The following KIAA1217 variants were observed in gnomAD, a reference collection of about 807,000 sequenced individuals.
The protein encoded by KIAA1217 is KIAA1217.
A neutral mutation model predicts 163.9 loss-of-function variants in KIAA1217; 88 were observed. That is an observed-to-expected ratio of 0.54 (90% confidence interval 0.45 to 0.64). The LOEUF is 0.64. Ranked by LOEUF, KIAA1217 falls within the 30% of genes least tolerant of loss-of-function variation. The probability of loss-of-function intolerance (pLI) is 0.00; values close to 1 mark genes in which losing one functional copy is unlikely to be tolerated. For synonymous variants in KIAA1217, 903 were observed against 923.1 expected (o/e 0.98, Z 0.39); for missense variants, 2,372 against 2,475.0 (o/e 0.96, Z 0.88).
chr10:24,201,096 C>A (rs1250279040), intron 2 of KIAA1217, among the ~76,000 whole-genome samples: 1 of 151,990 alleles, frequency 6.6e-6, no homozygotes, highest in Non-Finnish European at 1.5e-5. Flanking sequence ...CATGGTGAAA[C>A]CCTGTCTCTA....
chr10:24,285,306 C>T (rs923616427), intron 2 of KIAA1217, among the ~76,000 whole-genome samples: 1 of 152,108 alleles, frequency 6.6e-6, no homozygotes, highest in African/African-American at 2.4e-5. Context: ...TTGCCTAGGC[C>T]AATGTCTGAG....
At position 24,130,461 on chromosome 10, in the gene KIAA1217, A is replaced by G. The variant is rs553635540; in HGVS notation, c.-170-89165A>G. ...CTGTAGCATCTTTTTGTGTGCATCA[A>G]TGAATCCTTACTTTGCATAATCTGT... On this transcript the variant is annotated intron_variant, in intron 2 of 18. Transcript: ENST00000376462. 7.9e-5 allele frequency among the ~76,000 whole-genome samples: 12 copies of G among 152,316 alleles called. No homozygotes were observed. The South Asian group carries it at 2.5e-3, about 32-fold the overall frequency.
rs543441437 is a variant in KIAA1217 at position 24,246,187 on chromosome 10, T to A, written c.354+26278T>A. Among the ~76,000 whole-genome samples, 67 of 152,324 alleles carry A rather than the reference T, an allele frequency of 4.4e-4. 1 individual carries two copies. In the South Asian group the frequency reaches 9.9e-3, roughly 23 times the overall value. On this transcript the variant is annotated intron_variant, in intron 2 of 20. Transcript: ENST00000376454. ...AGGCCAATTTTCAATTTCTCCCTTG[T>A]GGGCTGTGTGTGTGTTTATGACGGT...
At chr10:23,726,869 A>G (rs926430861) in intron 1 of KIAA1217, among the ~76,000 whole-genome samples, 17 of 152,108 alleles carry the variant, frequency 1.1e-4, no homozygotes, top group Non-Finnish European at 7.4e-5. Context: ...AAATCTTGGC[A>G]TATATAGAAA....
In KIAA1217 at chr10:23,701,860, C is replaced by T. The variant is rs547175569; in HGVS notation, c.-321+6626C>T. On this transcript the variant is annotated intron_variant, in intron 1 of 18. Coordinates refer to the KIAA1217 transcript ENST00000376462. ...GTATAAATTAGCATACTATACAGATCGTAATTCCTACTAGCTCAAAGCAGT... is the reference window on the plus strand; with the variant it reads ...GTATAAATTAGCATACTATACAGATTGTAATTCCTACTAGCTCAAAGCAGT... 3.3e-5 allele frequency among the ~76,000 whole-genome samples: 5 copies of T among 152,226 alleles called. No individual in the cohort carries two copies. The East Asian group carries it at 9.6e-4, about 29-fold the overall frequency.
chr10:24,195,430 G>A (rs946501330), intron 2 of KIAA1217, among the ~76,000 whole-genome samples: 2 of 152,100 alleles, frequency 1.3e-5, no homozygotes, highest in South Asian at 4.1e-4. Flanking sequence ...CCAAGACAAG[G>A]AACCCAGAAA....
chr10:24,265,702 C>T (rs1051572107), intron 2 of KIAA1217, among the ~76,000 whole-genome samples: 1 of 152,102 alleles, frequency 6.6e-6, no homozygotes, highest in African/African-American at 2.4e-5. Context: ...CTGTTTTGAA[C>T]CGGGCATTAT....
At chr10:23,811,729 A>G (rs1837065469) in intron 1 of KIAA1217, among the ~76,000 whole-genome samples, 1 of 151,810 alleles carries the variant, frequency 6.6e-6, no homozygotes, top group Non-Finnish European at 1.5e-5. Flanking sequence ...TGCTAGAGAC[A>G]CTCAAGAGGT....
In KIAA1217 at chr10:24,063,321, G is replaced by A. The variant is rs189124074; in HGVS notation, c.-171+55947G>A. Among the ~76,000 whole-genome samples, 928 of 152,240 alleles carry A rather than the reference G, an allele frequency of 6.1e-3. 10 individuals carry two copies. Among genetic ancestry groups the A allele is most frequent in the African/African-American group, 0.021 (860 of 41,534 alleles). ...CATGTTGAATTAATTTTTGTATAAG[G>A]TGTAAGGAAGGGATCCAGTTTCAGT... On this transcript the variant is annotated intron_variant, in intron 2 of 18. Coordinates refer to the KIAA1217 transcript ENST00000376462.
At chr10:24,269,243 C>G (rs982850218) in intron 2 of KIAA1217, among the ~76,000 whole-genome samples, 2 of 149,606 alleles carry the variant, frequency 1.3e-5, no homozygotes, top group African/African-American at 4.9e-5. Flanking sequence ...AGGATTGTGG[C>G]CTGGCGCAGT....
intron 16 of KIAA1217, among the ~76,000 whole-genome samples, chr10:24,536,370 T>C (rs977307180): frequency 2.0e-5 from 3 of 152,214 alleles, no homozygotes; most frequent in African/African-American, 7.2e-5. Context: ...GCTTTTGCTG[T>C]ATAATTTCAA....
At chr10:24,033,524 G>A (rs1848273996) in intron 2 of KIAA1217, among the ~76,000 whole-genome samples, 1 of 152,132 alleles carries the variant, frequency 6.6e-6, no homozygotes, top group South Asian at 2.1e-4. Flanking sequence ...GGCTGTTCTT[G>A]GAGACCATCA....
chr10:23,766,768 T>A (rs1588755074), intron 1 of KIAA1217, among the ~76,000 whole-genome samples: 1 of 152,054 alleles, frequency 6.6e-6, no homozygotes, highest in Non-Finnish European at 1.5e-5. Flanking sequence ...TTTGTATTTT[T>A]AGCGGAGACG....
At chr10:23,908,521 T>C (rs1008123724) in intron 1 of KIAA1217, among the ~76,000 whole-genome samples, 4 of 152,074 alleles carry the variant, frequency 2.6e-5, no homozygotes, top group Non-Finnish European at 5.9e-5. Flanking sequence ...CTCAACTGTT[T>C]ACTTTCTCTT....
chr10:23,727,929 AG>A (rs1460209969), intron 1 of KIAA1217, among the ~76,000 whole-genome samples: 1 of 152,186 alleles, frequency 6.6e-6, no homozygotes, highest in Non-Finnish European at 1.5e-5. Context: ...TAGTTTGCTG[AG>A]AATGATGGTT....
At chr10:24,211,657 T>C (rs1450726265) in intron 1 of KIAA1217, among the ~76,000 whole-genome samples, 2 of 151,680 alleles carry the variant, frequency 1.3e-5, no homozygotes, top group Non-Finnish European at 2.9e-5. Flanking sequence ...GGGATTTGTC[T>C]TTTTAAATGG....
intron 1 of KIAA1217, among the ~76,000 whole-genome samples, chr10:23,835,229 A>T (rs1838389318): frequency 6.6e-6 from 1 of 152,188 alleles, no homozygotes; most frequent in Admixed American, 6.6e-5. Context: ...AAGGAGTGTC[A>T]TTCAGGAACC....
chr10:23,833,993 C>T lies in KIAA1217; in HGVS notation c.-321+138759C>T, dbSNP rs115855033. ...ATATGGATTTCATGTCTTCATTTATCTCCCTTTAAAGTTTGTTTTGACTGT... is the reference window on the plus strand; with the variant it reads ...ATATGGATTTCATGTCTTCATTTATTTCCCTTTAAAGTTTGTTTTGACTGT... On this transcript the variant is annotated intron_variant, in intron 1 of 18. Coordinates refer to the KIAA1217 transcript ENST00000376462. Among the ~76,000 whole-genome samples, 1,276 of 151,944 alleles carry T rather than the reference C, an allele frequency of 8.4e-3. 13 individuals carry two copies. The highest frequency in any genetic ancestry group is 0.029 in the African/African-American group (1,192 of 41,452).
chr10:24,191,960 G>A (rs1204710355), intron 2 of KIAA1217, among the ~76,000 whole-genome samples: 4 of 152,146 alleles, frequency 2.6e-5, no homozygotes, highest in Admixed American at 6.5e-5. Context: ...TGCCGTGTTG[G>A]TCTGGAACCC....
Sources: allele counts gnomAD v4.1 joint callset (sites outside exome capture counted in the v4.1 genomes callset), GRCh38; gene constraint gnomAD v4.1.1; transcripts MANE v1.5; gene names NCBI Gene and HGNC (gene_info 2026-07-23, HGNC 2026-07-21).